The following BICC1 variants were observed in gnomAD, a reference collection of about 807,000 sequenced individuals.
BICC1 encodes BicC family RNA binding protein 1.
In BICC1, 43 loss-of-function variants were observed where a neutral mutation model predicts 111.0. The ratio of observed to expected loss-of-function variants is 0.39; its 90% confidence interval spans 0.30 to 0.50. The LOEUF (loss-of-function observed/expected upper bound fraction) is 0.50. BICC1 is among the 20% of genes least tolerant of loss of function. The pLI is 0.88. For synonymous variants in BICC1, 467 were observed against 434.4 expected (o/e 1.07, Z -0.93); for missense variants, 1,091 against 1,203.2 (o/e 0.91, Z 1.38).
intron 1 of BICC1, among the ~76,000 whole-genome samples, chr10:58,593,457 C>T (rs1481940851): frequency 6.6e-6 from 1 of 152,128 alleles, no homozygotes; most frequent in African/African-American, 2.4e-5. Flanking sequence ...AGACACCTCC[C>T]AGTAGGGGCC....
In BICC1 at chr10:58,796,422, G is replaced by A. The variant is rs754342484; in HGVS notation, c.1262G>A (p.Gly421Glu). The A allele has an allele frequency of 6.2e-7, 1 of 1,613,900 alleles. No homozygotes were observed. Among genetic ancestry groups the A allele is most frequent in the Non-Finnish European group, 8.5e-7 (1 of 1,179,952 alleles). Residue 421 changes from glycine to glutamate, a missense_variant, in exon 10 of 21, where the codon GGG becomes GAG. By Grantham distance (98) the Gly-to-Glu change is moderately conservative (BLOSUM62 -2). Transcript: ENST00000373886. ...RKCLLGLESS[G>E]VTIATSPSPA... ...TGTCTCCTCGGACTTGAAAGCAGTG[G>A]GGTTACCATAGCAACCAGTCCATCC...
intron 2 of BICC1, among the ~76,000 whole-genome samples, chr10:58,698,506 G>T (rs982297090): frequency 1.3e-5 from 2 of 152,062 alleles, no homozygotes; most frequent in Non-Finnish European, 2.9e-5. Context: ...GACTACCCAC[G>T]ACCGGGTTAG....
At chr10:58,730,366 G>T (rs969777471) in intron 3 of BICC1, among the ~76,000 whole-genome samples, 7 of 152,194 alleles carry the variant, frequency 4.6e-5, no homozygotes, top group African/African-American at 1.7e-4. Flanking sequence ...CTGTGGCCTT[G>T]TGGGGTTTAG....
intron 1 of BICC1, among the ~76,000 whole-genome samples, chr10:58,540,225 G>A (rs1304516506): frequency 6.6e-6 from 1 of 151,132 alleles, no homozygotes; most frequent in Non-Finnish European, 1.5e-5. Flanking sequence ...GGAAGAACAA[G>A]CTAAACCCAA....
intron 3 of BICC1, among the ~76,000 whole-genome samples, chr10:58,756,822 T>C (rs1404014131): frequency 2.0e-5 from 3 of 152,130 alleles, no homozygotes; most frequent in East Asian, 3.8e-4. Flanking sequence ...GGATCTGTCT[T>C]ACAAAGAAAA....
intron 3 of BICC1, among the ~76,000 whole-genome samples, chr10:58,782,983 T>C (rs1842919961): frequency 1.3e-5 from 2 of 152,350 alleles, no homozygotes; most frequent in South Asian, 2.1e-4. Context: ...TGAGATGCTG[T>C]TGGGCTCTCT....
Position 58,513,344 on chromosome 10 carries a change from C to T in BICC1, c.190+11C>T. 1 of 1,598,062 alleles carries T rather than the reference C, an allele frequency of 6.3e-7. No homozygotes were observed. Among genetic ancestry groups the T allele is most frequent in the Non-Finnish European group, 8.5e-7 (1 of 1,169,638 alleles). On this transcript the variant is annotated intron_variant, in intron 1 of 20. Coordinates refer to ENST00000373886, the MANE Select transcript of BICC1 (RefSeq NM_001080512.3). ...AGGCCATGTTACAAGGTAGGCATCC[C>T]TCGTGTTCTCGGACTCTCCGACTGA... is the stretch of plus-strand genomic sequence containing the variant.
At chr10:58,637,848 G>A (rs1837997278) in intron 2 of BICC1, among the ~76,000 whole-genome samples, 1 of 152,116 alleles carries the variant, frequency 6.6e-6, no homozygotes, top group African/African-American at 2.4e-5. Flanking sequence ...GACAGGCATG[G>A]TGGACCAGAG....
chr10:58,776,171 T>C (rs953406934), intron 3 of BICC1, among the ~76,000 whole-genome samples: 3 of 152,204 alleles, frequency 2.0e-5, no homozygotes, highest in African/African-American at 7.2e-5. Flanking sequence ...AAAGAGATCA[T>C]GTATATGGTA....
At chr10:58,691,697 T>A (rs1254012977) in intron 2 of BICC1, among the ~76,000 whole-genome samples, 1 of 152,172 alleles carries the variant, frequency 6.6e-6, no homozygotes, top group Non-Finnish European at 1.5e-5. Flanking sequence ...AAGGTTGGAA[T>A]GGAAACAACA....
At chr10:58,703,701 T>G (rs1210076796) in intron 3 of BICC1, among the ~76,000 whole-genome samples, 1 of 152,224 alleles carries the variant, frequency 6.6e-6, no homozygotes, top group African/African-American at 2.4e-5. Context: ...TCTAGCTGTT[T>G]GCAGCATTTA....
chr10:58,712,832 T>A (rs1840619058), intron 3 of BICC1, among the ~76,000 whole-genome samples: 1 of 152,190 alleles, frequency 6.6e-6, no homozygotes, highest in African/African-American at 2.4e-5. Context: ...GTTGATGTGA[T>A]GTTGACAGTC....
chr10:58,743,905 T>C (rs1841749383), intron 3 of BICC1, among the ~76,000 whole-genome samples: 3 of 152,128 alleles, frequency 2.0e-5, no homozygotes, highest in Admixed American at 2.0e-4. Flanking sequence ...TTGGAAATTC[T>C]AGTTTTCAAA....
At chr10:58,689,722 C>A (rs1839857072) in intron 2 of BICC1, among the ~76,000 whole-genome samples, 1 of 152,184 alleles carries the variant, frequency 6.6e-6, no homozygotes, top group South Asian at 2.1e-4. Flanking sequence ...TCCACTGATT[C>A]CCAAGGTGCT....
At chr10:58,579,322 G>T (rs948188720) in intron 1 of BICC1, among the ~76,000 whole-genome samples, 4 of 152,194 alleles carry the variant, frequency 2.6e-5, no homozygotes. Flanking sequence ...TTTGGGTTAT[G>T]CTGCTTACGT....
At chr10:58,800,464 A>C (rs934835410) in intron 13 of BICC1, 138 bp downstream of exon 13, 6 of 785,234 alleles carry the variant, frequency 7.6e-6, no homozygotes, top group Non-Finnish European at 1.2e-5. Context: ...GTGGAAAGAC[A>C]ACATCCTGAA....
chr10:58,554,614 A>G (rs1254441447), intron 1 of BICC1, among the ~76,000 whole-genome samples: 3 of 152,096 alleles, frequency 2.0e-5, no homozygotes, highest in African/African-American at 4.8e-5. Context: ...TGCAAACATC[A>G]GAAAAAAAAT....
At chr10:58,693,421 T>C (rs1179365821) in intron 2 of BICC1, among the ~76,000 whole-genome samples, 5 of 151,930 alleles carry the variant, frequency 3.3e-5, no homozygotes, top group South Asian at 2.1e-4. Context: ...TTCTAGATCC[T>C]TGAGGAATCG....
intron 1 of BICC1, among the ~76,000 whole-genome samples, chr10:58,578,514 TCTGA>T (rs1844176325): frequency 6.6e-6 from 1 of 152,222 alleles, no homozygotes; most frequent in South Asian, 2.1e-4. Flanking sequence ...CTTTTTTGAC[TCTGA>T]CTGTTGAAAA....
Sources: gnomAD v4.1 joint callset for allele counts (sites outside exome capture counted in the v4.1 genomes callset) on GRCh38, gnomAD v4.1.1 for gene constraint, MANE v1.5 for transcripts, NCBI Gene and HGNC (gene_info 2026-07-23, HGNC 2026-07-21) for gene names.